Variants in CCDC136 observed in about 807,000 individuals in gnomAD.
The protein encoded by CCDC136 is coiled-coil domain-containing protein 136.
In CCDC136, 100 loss-of-function variants were observed where a neutral mutation model predicts 141.2. The ratio of observed to expected loss-of-function variants is 0.71; its 90% confidence interval spans 0.60 to 0.84. The LOEUF (loss-of-function observed/expected upper bound fraction) is 0.84, where lower values mean the gene tolerates loss of function less well. Ranked by LOEUF, CCDC136 falls within the 40% of genes least tolerant of loss-of-function variation. The pLI, the probability that CCDC136 is intolerant of heterozygous loss-of-function variation, is 0.00. For missense variants in CCDC136, 1,206 were observed against 1,379.4 expected (o/e 0.87, Z 1.99); for synonymous variants, 474 against 531.9 (o/e 0.89, Z 1.50).
intron 12 of CCDC136, among the ~76,000 whole-genome samples, chr7:128,810,816 G>A (rs1175313165): frequency 6.6e-6 from 1 of 152,194 alleles, no homozygotes; most frequent in Non-Finnish European, 1.5e-5. Context: ...TGTTCTCTAT[G>A]AGGCAAATTT....
In CCDC136 at chr7:128,805,266, G is replaced by A. The variant is rs1278787689; in HGVS notation, c.783-93G>A. On this transcript the variant is annotated intron_variant, in intron 5 of 17. Transcript: ENST00000297788. The surrounding 1 kb of genome is among the most constrained non-coding windows in gnomAD (Gnocchi z 4.6). ...CAATAGAAGGCCCCTTACTATCTTT[G>A]GCCTAAAATGAAGGTATCAGGACAA... 9.4e-7 allele frequency: 1 copy of A among 1,063,210 alleles called. No individual in the cohort carries two copies. Among genetic ancestry groups the A allele is most frequent in the East Asian group, 2.5e-5 (1 of 39,706 alleles). The allele number at this position is 1,063,210 out of a possible 1,614,324, so 65.9% of individuals were successfully genotyped here.
chr7:128,815,220 C>T (rs962829536), intron 15 of CCDC136, among the ~76,000 whole-genome samples: 5 of 152,186 alleles, frequency 3.3e-5, no homozygotes, highest in Admixed American at 2.6e-4. Context: ...TCCTGTTCTT[C>T]CTGGGTTACA....
At chr7:128,807,956 AC>A (rs1805125668) in intron 10 of CCDC136, 1 of 152,866 alleles carries the variant, frequency 6.5e-6, no homozygotes, top group African/African-American at 2.4e-5. Context: ...ATAAAGGGGT[AC>A]GGTCTTGTGC....
intron 1 of CCDC136, 55 bp downstream of exon 1, chr7:128,792,482 T>G: frequency 7.2e-7 from 1 of 1,396,234 alleles, no homozygotes. Flanking sequence ...CTTAATTCCC[T>G]TCTTTCCTCC....
At chr7:128,819,527 T>C (rs1187634430) in intron 17 of CCDC136, among the ~76,000 whole-genome samples, 3 of 152,330 alleles carry the variant, frequency 2.0e-5, no homozygotes, top group African/African-American at 7.2e-5. Context: ...CTATAAATTA[T>C]AAAATACCCC....
intron 16 of CCDC136, among the ~76,000 whole-genome samples, chr7:128,816,996 G>A (rs1464252762): frequency 6.6e-6 from 1 of 152,200 alleles, no homozygotes; most frequent in Non-Finnish European, 1.5e-5. Context: ...CCACTATCAT[G>A]TTTCCTTGAG....
At chr7:128,814,550 C>G in intron 14 of CCDC136, 88 bp from the exon 15 acceptor site, 1 of 1,029,680 alleles carries the variant, frequency 9.7e-7, no homozygotes, top group Non-Finnish European at 1.4e-6. Flanking sequence ...GACAGTGACC[C>G]CCAAGCAGGG....
intron 10 of CCDC136, among the ~76,000 whole-genome samples, chr7:128,808,106 A>G (rs191709956): frequency 6.6e-6 from 1 of 152,306 alleles, no homozygotes; most frequent in Admixed American, 6.5e-5. Context: ...ACACGATCTC[A>G]GCTCACTGCA....
At chr7:128,813,200 G>A (rs1285607102) in intron 14 of CCDC136, among the ~76,000 whole-genome samples, 1 of 152,150 alleles carries the variant, frequency 6.6e-6, no homozygotes, top group Admixed American at 6.5e-5. Context: ...CACTTCTGTA[G>A]AACTGTATTT....
rs776548870 is a variant in CCDC136, at chr7:128,801,319, C to T, written c.480C>T (p.Ser160=). Residue 160 remains serine (S), a synonymous_variant, in exon 4 of 18, where the codon TCC becomes TCT. Transcript: ENST00000297788. ...IQSLRQAAED[S]ATEHESDIAS... ...GTCTGCGGCAAGCAGCAGAGGATTCCGCAACTGAACATGAGAGTGACATAG... is the reference window on the plus strand; with the variant it reads ...GTCTGCGGCAAGCAGCAGAGGATTCTGCAACTGAACATGAGAGTGACATAG... The T allele has an allele frequency of 2.1e-5, 34 of 1,613,600 alleles. No individual in the cohort carries two copies. Among genetic ancestry groups the T allele is most frequent in the Middle Eastern group, 1.6e-4 (1 of 6,084 alleles).
At chr7:128,803,688 T>C (rs1804388474) in intron 4 of CCDC136, among the ~76,000 whole-genome samples, 1 of 152,092 alleles carries the variant, frequency 6.6e-6, no homozygotes, top group Non-Finnish European at 1.5e-5. Context: ...AGTATAGGTA[T>C]AGGTGACTGG....
chr7:128,802,393 G>C, intron 4 of CCDC136, among the ~76,000 whole-genome samples: 1 of 152,132 alleles, frequency 6.6e-6, no homozygotes, highest in East Asian at 1.9e-4. Flanking sequence ...AAGCCTCTCA[G>C]AAGAGCCTTT....
Position 128,792,055 on chromosome 7 carries a change from C to T in CCDC136, c.-357C>T. The T allele has an allele frequency of 7.7e-7, 1 of 1,293,522 alleles. No individual in the cohort carries two copies. The highest frequency in any genetic ancestry group is 9.8e-7 in the Non-Finnish European group (1 of 1,019,986). The allele number at this position is 1,293,522 out of a possible 1,614,324, so 80.1% of individuals were successfully genotyped here. A position where few individuals can be genotyped will look rare whatever the true frequency, so the allele number is the denominator to read the frequency against. On this transcript the variant is annotated 5_prime_UTR_variant, in exon 1 of 18. Transcript: ENST00000297788. ...TCTTGGCCCTCTCCTCCCTGTCCCC[C>T]CGGACTAAATACGCACACCCCCTCT...
At position 128,805,897 on chromosome 7, in the gene CCDC136, C is replaced by T. The variant is rs767453258; in HGVS notation, c.1085C>T (p.Thr362Ile). ...CGGTTTCAGACCTCCCACAGTGTCA[C>T]CCAGGTAAACACTGCCCGGGGAGGC... is the stretch of plus-strand genomic sequence containing the variant. ...VLRFQTSHSV[T>I]QNEELKSRLC... is the part of the protein sequence containing the mutation. The change falls in exon 7 of 18, where the codon ACC (threonine) becomes ATC (isoleucine). Residue 362 changes from threonine to isoleucine, a missense_variant. By Grantham distance (89) the Thr-to-Ile change is moderately conservative. Coordinates refer to ENST00000297788, the MANE Select transcript of CCDC136 (RefSeq NM_022742.5). This position sits in a 1 kb window ranked among gnomAD's most constrained non-coding sequence, Gnocchi z 4.6. The T allele has an allele frequency of 6.2e-6, 10 of 1,613,840 alleles. No individual in the cohort carries two copies. Among genetic ancestry groups the T allele is most frequent in the Non-Finnish European group, 8.5e-6 (10 of 1,179,858 alleles).
chr7:128,792,484 C>A (rs1288190765), intron 1 of CCDC136, 57 bp downstream of exon 1: 3 of 1,379,982 alleles, frequency 2.2e-6, no homozygotes, highest in Non-Finnish European at 3.0e-6. Context: ...TAATTCCCTT[C>A]TTTCCTCCCT....
In CCDC136 at chr7:128,814,813, G is replaced by A. The variant is rs763720918; in HGVS notation, c.2939G>A (p.Gly980Glu). The change falls in exon 15 of 18, where the codon GGG becomes GAG. Residue 980 changes from glycine to glutamate, a missense_variant. By Grantham distance (98) the Gly-to-Glu change is moderately conservative. Transcript: ENST00000297788. ...KRPSVVKEAR[G>E]KNANKNMNKN... Reference sequence around the variant, plus strand: ...CCTTCTGTTGTCAAAGAAGCCCGGGGGAAGAATGCTAATAAGAACATGAAC... The same window carrying A: ...CCTTCTGTTGTCAAAGAAGCCCGGGAGAAGAATGCTAATAAGAACATGAAC... 3.7e-6 allele frequency: 6 copies of A among 1,611,782 alleles called. No homozygotes were observed. The South Asian group carries it at 5.5e-5, about 15-fold the overall frequency.
At chr7:128,804,613 C>T (rs1476065843) in intron 4 of CCDC136, 37 bp from the exon 5 acceptor site, 2 of 1,312,476 alleles carry the variant, frequency 1.5e-6, no homozygotes, top group Non-Finnish European at 2.2e-6. Context: ...GCTTTCCTTT[C>T]CTCCCGGTCT....
intron 3 of CCDC136, among the ~76,000 whole-genome samples, chr7:128,800,587 T>G (rs2046974): frequency 0.32 from 49,144 of 151,968 alleles, 11,322 homozygotes; most frequent in African/African-American, 0.64. Context: ...GAGCCACTGC[T>G]CCCAGCCTAT....
upstream of CCDC136, chr7:128,791,290 G>T: frequency 3.0e-6 from 1 of 338,028 alleles, no homozygotes; most frequent in South Asian, 1.5e-4. This position sits in a 1 kb window ranked among gnomAD's most constrained non-coding sequence, Gnocchi z 7.1. Flanking sequence ...ACCCTCCCGC[G>T]CCGCCCCCTG....
Sources: allele counts gnomAD v4.1 joint callset (sites outside exome capture counted in the v4.1 genomes callset), GRCh38; gene constraint gnomAD v4.1.1; non-coding constraint Gnocchi (gnomAD v3.1); transcripts MANE v1.5; gene names NCBI Gene and HGNC (gene_info 2026-07-23, HGNC 2026-07-21).